CNTN4: variants seen among roughly 807,000 people sequenced by gnomAD.
CNTN4 encodes contactin-4.
CNTN4 carries 77 observed loss-of-function variants against 122.5 expected under a neutral mutation model. The observed-to-expected ratio is 0.63, with a 90% CI of 0.52 to 0.76. CNTN4 has a LOEUF of 0.76. CNTN4 is among the 30% of genes least tolerant of loss of function. The pLI is 0.00. For synonymous variants in CNTN4, 512 were observed against 447.0 expected (o/e 1.15, Z -1.83); for missense variants, 1,256 against 1,259.1 (o/e 1.00, Z 0.04).
intron 13 of CNTN4, among the ~76,000 whole-genome samples, chr3:2,972,642 T>C (rs17023853): frequency 0.11 from 17,115 of 152,188 alleles, 1,008 homozygotes; most frequent in African/African-American, 0.13. Flanking sequence ...AGTTTAATAG[T>C]TATACAAAAG....
At chr3:2,391,628 C>T (rs193293210) in intron 3 of CNTN4, among the ~76,000 whole-genome samples, 112 of 152,172 alleles carry the variant, frequency 7.4e-4, no homozygotes, top group African/African-American at 2.6e-3. Context: ...ATGAAACAGA[C>T]GTGATGTTTA....
intron 3 of CNTN4, among the ~76,000 whole-genome samples, chr3:2,478,406 T>TGG (rs1442644030): frequency 6.8e-5 from 1 of 14,756 alleles, no homozygotes; most frequent in Admixed American, 1.4e-3. Context: ...CTTTATCTGT[T>TGG]TGTTTTTTTT....
Position 2,385,445 on chromosome 3 carries a change from GC to G in CNTN4, c.-89+46213del, listed in dbSNP as rs2046215332. On this transcript the variant is annotated intron_variant, in intron 3 of 24. Coordinates refer to ENST00000418658, the MANE Select transcript of CNTN4 (RefSeq NM_175607.3). This position sits in a 1 kb window ranked among gnomAD's most constrained non-coding sequence, Gnocchi z 4.0. Reference sequence around the variant, plus strand: ...TCCTGGTGTCTTGTTCATAGCAGATGCTTGTATTAGTTTCTTAGGACTGCCA... The same window carrying G: ...TCCTGGTGTCTTGTTCATAGCAGATGTTGTATTAGTTTCTTAGGACTGCCA... Among the ~76,000 whole-genome samples, 1 of 152,028 alleles carries G rather than the reference GC, an allele frequency of 6.6e-6. No homozygotes were observed. The highest frequency in any genetic ancestry group is 1.5e-5 in the Non-Finnish European group (1 of 68,030).
intron 3 of CNTN4, among the ~76,000 whole-genome samples, chr3:2,415,840 G>A (rs537078903): frequency 9.2e-5 from 14 of 151,896 alleles, no homozygotes; most frequent in East Asian, 5.8e-4. Context: ...TTGGGGTGGC[G>A]CTGGCTTATT....
At chr3:2,590,234 T>A (rs1447535914) in intron 4 of CNTN4, among the ~76,000 whole-genome samples, 1 of 152,138 alleles carries the variant, frequency 6.6e-6, no homozygotes, top group African/African-American at 2.4e-5. Context: ...AAAACACAAA[T>A]CTATCATATC....
chr3:2,430,236 A>T (rs1296458864), intron 3 of CNTN4, among the ~76,000 whole-genome samples: 1 of 151,958 alleles, frequency 6.6e-6, no homozygotes, highest in Non-Finnish European at 1.5e-5. Context: ...ATCCTGGCTA[A>T]CACGGTGAAA....
intron 4 of CNTN4, among the ~76,000 whole-genome samples, chr3:2,718,333 G>A (rs2087629412): frequency 6.6e-6 from 1 of 151,804 alleles, no homozygotes; most frequent in African/African-American, 2.4e-5. Flanking sequence ...AATTATCTAT[G>A]GAATATTTAT....
intron 2 of CNTN4, among the ~76,000 whole-genome samples, chr3:2,121,240 G>A (rs146116460): frequency 2.6e-5 from 4 of 152,080 alleles, no homozygotes; most frequent in East Asian, 1.9e-4. Flanking sequence ...ATTATATGCC[G>A]TGTAATCCCA....
intron 13 of CNTN4, among the ~76,000 whole-genome samples, chr3:2,962,556 C>G (rs1387080553): frequency 6.6e-6 from 1 of 152,198 alleles, no homozygotes; most frequent in Non-Finnish European, 1.5e-5. Flanking sequence ...GATTAGGAAA[C>G]AGGAAAGGCA....
At chr3:2,403,022 G>A (rs1221142528) in intron 3 of CNTN4, among the ~76,000 whole-genome samples, 1 of 152,082 alleles carries the variant, frequency 6.6e-6, no homozygotes, top group East Asian at 1.9e-4. Context: ...GGTGTCGGCA[G>A]GGTTCGTTTC....
At chr3:2,955,941 A>G (rs2094795030) in intron 13 of CNTN4, among the ~76,000 whole-genome samples, 1 of 152,240 alleles carries the variant, frequency 6.6e-6, no homozygotes, top group Non-Finnish European at 1.5e-5. Context: ...TTCCACTTGT[A>G]GAGATTACTC....
At chr3:2,911,443 C>A (rs1053189804) in intron 12 of CNTN4, among the ~76,000 whole-genome samples, 5 of 152,144 alleles carry the variant, frequency 3.3e-5, no homozygotes, top group African/African-American at 1.2e-4. Context: ...TCTAGCTGGA[C>A]TGATTGCTCT....
intron 2 of CNTN4, among the ~76,000 whole-genome samples, chr3:2,279,988 T>G (rs1021257261): frequency 4.8e-5 from 7 of 147,168 alleles, no homozygotes; most frequent in Non-Finnish European, 1.1e-4. Context: ...GAGATAGATA[T>G]AGAGCTAGGT....
At chr3:2,736,159 G>A (rs897664619) in intron 4 of CNTN4, 56 bp from the exon 5 acceptor site, 2 of 1,555,480 alleles carry the variant, frequency 1.3e-6, no homozygotes, top group African/African-American at 1.4e-5. Flanking sequence ...GTTTCCTGTT[G>A]TTGTTCCTAT....
chr3:3,024,081 CTGTTA>C (rs1383415093), intron 14 of CNTN4, among the ~76,000 whole-genome samples: 1 of 152,120 alleles, frequency 6.6e-6, no homozygotes, highest in Non-Finnish European at 1.5e-5. Context: ...CCTTCAGCCT[CTGTTA>C]TATGTGTTAT....
At chr3:2,623,921 T>A (rs2082084124) in intron 4 of CNTN4, among the ~76,000 whole-genome samples, 1 of 152,130 alleles carries the variant, frequency 6.6e-6, no homozygotes, top group Admixed American at 6.5e-5. Flanking sequence ...AAAAACCCTG[T>A]CTGTTCATTT....
intron 8 of CNTN4, among the ~76,000 whole-genome samples, chr3:2,874,301 G>A (rs910132666): frequency 6.6e-6 from 1 of 152,192 alleles, no homozygotes. Flanking sequence ...CAGCCTGTGG[G>A]AACCTACAGT....
At chr3:2,417,069 C>T (rs2047444627) in intron 3 of CNTN4, among the ~76,000 whole-genome samples, 1 of 152,214 alleles carries the variant, frequency 6.6e-6, no homozygotes, top group South Asian at 2.1e-4. Flanking sequence ...AGGGCTTCAG[C>T]TCCCTTAGTG....
At chr3:2,757,609 G>T (rs768994218) in intron 6 of CNTN4, among the ~76,000 whole-genome samples, 1 of 152,194 alleles carries the variant, frequency 6.6e-6, no homozygotes, top group Non-Finnish European at 1.5e-5. Flanking sequence ...CCTCTTCGCA[G>T]TCAGCACCTT....
Sources: allele counts gnomAD v4.1 joint callset (sites outside exome capture counted in the v4.1 genomes callset), GRCh38; gene constraint gnomAD v4.1.1; non-coding constraint Gnocchi (gnomAD v3.1); transcripts MANE v1.5; gene names NCBI Gene and HGNC (gene_info 2026-07-23, HGNC 2026-07-21).